WAC: variants seen among roughly 807,000 people sequenced by gnomAD.
WAC encodes the protein WW domain-containing adapter protein with coiled-coil.
In WAC, 11 loss-of-function variants were observed where a neutral mutation model predicts 79.6. The ratio of observed to expected loss-of-function variants is 0.14; its 90% CI spans 0.09 to 0.23. WAC has a LOEUF of 0.23. Ranked by LOEUF, WAC falls within the 10% of genes least tolerant of loss-of-function variation. The pLI, the probability that WAC is intolerant of heterozygous loss-of-function variation, is 1.00. For synonymous variants in WAC, 304 were observed against 276.9 expected (o/e 1.10, Z -0.97); for missense variants, 728 against 773.5 (o/e 0.94, Z 0.70).
At chr10:28,534,232 A>G in intron 2 of WAC, 198 bp downstream of exon 2, 1 of 465,532 alleles carries the variant, frequency 2.1e-6, no homozygotes, top group African/African-American at 2.0e-5. Flanking sequence ...TTATTTTGAC[A>G]GGTGACTGGA....
chr10:28,608,647 T>G, intron 8 of WAC: 1 of 534,046 alleles, frequency 1.9e-6, no homozygotes, highest in Non-Finnish European at 3.3e-6. Context: ...TGCTTGGATC[T>G]TGTGTATATT....
At chr10:28,581,238 CTTTTTTTTTTTT>C (rs71391053) in intron 3 of WAC, among the ~76,000 whole-genome samples, 86 of 66,118 alleles carry the variant, frequency 1.3e-3, no homozygotes, top group African/African-American at 1.7e-3. Flanking sequence ...ATGAGCGATT[CTTTTTTTTTTTT>C]TTTTTTTTTT....
chr10:28,620,264 G>A lies in WAC; in HGVS notation c.*658G>A, dbSNP rs906365968. ...TCCTTTCTTAAGGCACTGTTGCTAT[G>A]GCACTTTTCTATAACCTTTTCATTC... On this transcript the variant is annotated 3_prime_UTR_variant, in exon 14 of 14. Coordinates refer to ENST00000354911, the MANE Select transcript of WAC (RefSeq NM_016628.5). The A allele has an allele frequency of 7.2e-5, 11 of 152,508 alleles. No individual in the cohort carries two copies. Among genetic ancestry groups the A allele is most frequent in the African/African-American group, 2.7e-4 (11 of 41,378 alleles). The allele number at this position is 152,508 out of a possible 1,614,324, so 9.4% of individuals were successfully genotyped here.
At chr10:28,583,289 A>G in intron 3 of WAC, 110 bp from the exon 4 acceptor site, 2 of 748,738 alleles carry the variant, frequency 2.7e-6, no homozygotes, top group Non-Finnish European at 4.2e-6. Context: ...ATGCTTATGT[A>G]AGATGTTCGT....
At chr10:28,565,843 T>G (rs1231053957) in intron 3 of WAC, among the ~76,000 whole-genome samples, 2 of 152,214 alleles carry the variant, frequency 1.3e-5, no homozygotes. Flanking sequence ...TTAATGTATT[T>G]AAGGTAATTT....
chr10:28,576,227 A>G lies in WAC; in HGVS notation c.275-7172A>G, dbSNP rs185835977. 3.7e-3 allele frequency among the ~76,000 whole-genome samples: 557 copies of G among 152,362 alleles called. 9 individuals carry two copies. The highest frequency in any genetic ancestry group is 1.1e-3 in the Non-Finnish European group (77 of 68,038). On this transcript the variant is annotated intron_variant, in intron 3 of 13. Coordinates refer to ENST00000354911, the MANE Select transcript of WAC (RefSeq NM_016628.5). The stretch of plus-strand genomic sequence containing the variant: ...AATAACATATACTGCCTGCAGATAG[A>G]AATAATGTTACGTGTAATTTTCACA...
At chr10:28,560,527 C>G (rs565141019) in intron 3 of WAC, among the ~76,000 whole-genome samples, 17 of 152,006 alleles carry the variant, frequency 1.1e-4, no homozygotes, top group Non-Finnish European at 2.5e-4. Flanking sequence ...GTTTAGACAC[C>G]AAACAGATGT....
At chr10:28,566,948 C>T (rs1838653220) in intron 3 of WAC, among the ~76,000 whole-genome samples, 1 of 142,774 alleles carries the variant, frequency 7.0e-6, no homozygotes, top group Admixed American at 7.1e-5. Flanking sequence ...TGAATGTCCT[C>T]CCTGTTTTTT....
rs754527525 is a variant in WAC, at chr10:28,608,629, G to GT, written c.1165+200dup. 474 of 583,794 alleles carry GT rather than the reference G, an allele frequency of 8.1e-4. 1 individual carries two copies. Among genetic ancestry groups the GT allele is most frequent in the Non-Finnish European group, 1.2e-3 (419 of 340,324 alleles). The allele number at this position is 583,794 out of a possible 1,614,324, so 36.2% of individuals were successfully genotyped here. On this transcript the variant is annotated intron_variant, in intron 8 of 13. Transcript: ENST00000354911. The stretch of plus-strand genomic sequence containing the variant: ...TTAAGACCATTGGTAGTATAATTGA[G>GT]TTAGTGGTGCTTGGATCTTGTGTAT...
In WAC at chr10:28,619,857, G is replaced by A; in HGVS notation, c.*251G>A. 3.1e-6 allele frequency: 1 copy of A among 317,908 alleles called. No individual in the cohort carries two copies. The allele number at this position is 317,908 out of a possible 1,614,324, so 19.7% of individuals were successfully genotyped here. A position where few individuals can be genotyped will look rare whatever the true frequency, so the allele number is the denominator to read the frequency against. ...TATGTTTTGTAGAGTGAAGCCATGG[G>A]AAGCCATGTGTAACAGAGCTTAGAC... is the stretch of plus-strand genomic sequence containing the variant. On this transcript the variant is annotated 3_prime_UTR_variant, in exon 14 of 14. Coordinates refer to ENST00000354911, the MANE Select transcript of WAC (RefSeq NM_016628.5).
At chr10:28,614,128 C>G (rs1478584163) in intron 10 of WAC, among the ~76,000 whole-genome samples, 1 of 150,902 alleles carries the variant, frequency 6.6e-6, no homozygotes, top group Non-Finnish European at 1.5e-5. Flanking sequence ...TTTTTTGAGA[C>G]GGAGTCTCGT....
At chr10:28,612,446 C>T (rs1564419758) in intron 10 of WAC, among the ~76,000 whole-genome samples, 1 of 152,174 alleles carries the variant, frequency 6.6e-6, no homozygotes, top group African/African-American at 2.4e-5. Context: ...ACCCATTTTA[C>T]TAAGCTTATA....
chr10:28,552,442 A>G (rs1004140257), intron 3 of WAC, among the ~76,000 whole-genome samples: 26 of 152,132 alleles, frequency 1.7e-4, no homozygotes, highest in African/African-American at 4.6e-4. Context: ...AATTCTTTCA[A>G]TATCATTAAT....
chr10:28,572,485 G>C lies in WAC; in HGVS notation c.275-10914G>C, dbSNP rs527943995. Among the ~76,000 whole-genome samples the C allele has an allele frequency of 6.6e-5, 10 of 152,224 alleles. No individual in the cohort carries two copies. In the South Asian group the frequency reaches 2.1e-3, roughly 32 times the overall value. On this transcript the variant is annotated intron_variant, in intron 3 of 13. Coordinates refer to ENST00000354911, the MANE Select transcript of WAC (RefSeq NM_016628.5). ...CCAAGAAATAGAGTGGGAGATAGAG[G>C]AGAGTAGATACAGAATGTATAAAGG...
intron 3 of WAC, among the ~76,000 whole-genome samples, chr10:28,581,731 T>C (rs1839548524): frequency 6.6e-6 from 1 of 151,942 alleles, no homozygotes; most frequent in Non-Finnish European, 1.5e-5. Context: ...CAGCTAACTT[T>C]TGTATTTTTA....
At chr10:28,548,628 G>GT (rs894245138) in intron 3 of WAC, among the ~76,000 whole-genome samples, 1 of 151,758 alleles carries the variant, frequency 6.6e-6, no homozygotes, top group Non-Finnish European at 1.5e-5. Flanking sequence ...TTATTTTTTA[G>GT]TTTTTTTCAT....
At chr10:28,539,225 A>G (rs1836865825) in intron 3 of WAC, among the ~76,000 whole-genome samples, 1 of 152,178 alleles carries the variant, frequency 6.6e-6, no homozygotes, top group Non-Finnish European at 1.5e-5. Flanking sequence ...TCATTGAAAA[A>G]TGCTCGTTCA....
chr10:28,537,722 CTT>C (rs2132321732), intron 3 of WAC: 1 of 152,322 alleles, frequency 6.6e-6, no homozygotes, highest in East Asian at 1.9e-4. Flanking sequence ...TGCTTTGACT[CTT>C]GAGAGCTAGT....
chr10:28,558,229 TTC>T (rs550615123), intron 3 of WAC, among the ~76,000 whole-genome samples: 32 of 152,338 alleles, frequency 2.1e-4, no homozygotes, highest in African/African-American at 7.7e-4. Flanking sequence ...TCCTTTTTTT[TTC>T]TGTTGCCACT....
Sources: gnomAD v4.1 joint callset for allele counts (sites outside exome capture counted in the v4.1 genomes callset) on GRCh38, gnomAD v4.1.1 for gene constraint, MANE v1.5 for transcripts, NCBI Gene and HGNC (gene_info 2026-07-23, HGNC 2026-07-21) for gene names.